PCDH15: variants seen among roughly 807,000 people sequenced by gnomAD.
PCDH15 encodes protocadherin related 15.
Under a neutral mutation model 178.5 loss-of-function variants are expected in PCDH15, and 129 were observed. That is an observed-to-expected ratio of 0.72 (90% confidence interval 0.63 to 0.84). The LOEUF (loss-of-function observed/expected upper bound fraction) is 0.84, where lower values mean the gene tolerates loss of function less well. Among genes scored for constraint, PCDH15 ranks in the 40% least tolerant of loss-of-function variants. The pLI is 0.00. For missense variants in PCDH15, 2,230 were observed against 2,099.9 expected (o/e 1.06, Z -1.21); for synonymous variants, 800 against 732.0 (o/e 1.09, Z -1.50).
intron 3 of PCDH15, among the ~76,000 whole-genome samples, chr10:54,881,302 T>C (rs747513761): frequency 5.9e-5 from 9 of 152,092 alleles, no homozygotes; most frequent in Admixed American, 3.9e-4. Context: ...AGAATGAATG[T>C]AAGGAAATGC....
intron 2 of PCDH15, among the ~76,000 whole-genome samples, chr10:54,938,497 T>C (rs1837964614): frequency 6.6e-6 from 1 of 152,054 alleles, no homozygotes; most frequent in South Asian, 2.1e-4. Context: ...TTGGGGAGAA[T>C]TGGTATTAAT....
intron 29 of PCDH15, among the ~76,000 whole-genome samples, chr10:53,832,151 G>GA (rs529229320): frequency 6.7e-4 from 101 of 151,806 alleles, no homozygotes; most frequent in South Asian, 1.9e-3. Flanking sequence ...TTCTGCCTAG[G>GA]AAAAAAAGAC....
At chr10:54,307,413 G>A (rs1247258322) in intron 8 of PCDH15, among the ~76,000 whole-genome samples, 1 of 151,390 alleles carries the variant, frequency 6.6e-6, no homozygotes, top group African/African-American at 2.4e-5. Context: ...TTTACCTAGA[G>A]GGGAAACTCT....
At chr10:53,838,011 C>A (rs1442800546) in intron 29 of PCDH15, among the ~76,000 whole-genome samples, 1 of 150,720 alleles carries the variant, frequency 6.6e-6, no homozygotes, top group East Asian at 2.0e-4. Context: ...GAGTCTTGCT[C>A]TCTTGCCCAG....
intron 2 of PCDH15, among the ~76,000 whole-genome samples, chr10:55,424,907 A>G (rs1056754873): frequency 6.6e-6 from 1 of 152,030 alleles, no homozygotes; most frequent in Admixed American, 6.6e-5. Context: ...AAAGTGTGAT[A>G]TTAAAAAATA....
At chr10:54,391,669 G>A (rs983910301) in intron 3 of PCDH15, among the ~76,000 whole-genome samples, 4 of 151,810 alleles carry the variant, frequency 2.6e-5, no homozygotes, top group African/African-American at 9.7e-5. Context: ...CCAGCTTGGA[G>A]AGAACCTATG....
At chr10:53,812,365 G>T in intron 35 of PCDH15, among the ~76,000 whole-genome samples, 1 of 145,278 alleles carries the variant, frequency 6.9e-6, no homozygotes, top group East Asian at 2.7e-4. Context: ...CCGCCACCAC[G>T]CCCGTCTAAA....
chr10:54,380,075 A>T (rs746023969), intron 3 of PCDH15, among the ~76,000 whole-genome samples: 3 of 152,072 alleles, frequency 2.0e-5, no homozygotes, highest in Non-Finnish European at 4.4e-5. Flanking sequence ...TTTTCTCAGT[A>T]ATTTAATAAT....
intron 8 of PCDH15, among the ~76,000 whole-genome samples, chr10:54,252,504 C>A (rs1470657252): frequency 6.6e-6 from 1 of 152,164 alleles, no homozygotes; most frequent in Admixed American, 6.5e-5. Flanking sequence ...AATATGCTTT[C>A]CTCTGCATTA....
At chr10:54,507,201 T>G (rs1393902435) in intron 3 of PCDH15, among the ~76,000 whole-genome samples, 1 of 151,906 alleles carries the variant, frequency 6.6e-6, no homozygotes, top group Non-Finnish European at 1.5e-5. Context: ...GATCTCACAT[T>G]GTTTGGAAAT....
chr10:54,970,367 G>A (rs1591812431), intron 2 of PCDH15, among the ~76,000 whole-genome samples: 1 of 152,256 alleles, frequency 6.6e-6, no homozygotes, highest in South Asian at 2.1e-4. Flanking sequence ...TTTGGAACTG[G>A]GTGATAGCTA....
rs1452730552 is a variant in PCDH15, at chr10:53,823,362, G to GAAAGA, written c.4368-3137_4368-3133dup. 16 of 1,610,328 alleles carry GAAAGA rather than the reference G, an allele frequency of 9.9e-6. No homozygotes were observed. The highest frequency in any genetic ancestry group is 1.4e-5 in the Non-Finnish European group (16 of 1,176,700). On this transcript the variant is annotated intron_variant, in intron 32 of 37. Transcript: ENST00000644397. Reference sequence around the variant, plus strand: ...AAAATGGTAGAGAAGGAAAAGACTTGAAAGAAAAGAAGATAATGAAATGTA... The same window carrying GAAAGA: ...AAAATGGTAGAGAAGGAAAAGACTTGAAAGAAAAGAAAAGAAGATAATGAAATGTA...
rs570868353 is a variant in PCDH15 at position 54,195,579 on chromosome 10, T to C, written c.1305+104A>G. On this transcript the variant is annotated intron_variant, in intron 11 of 37. Transcript: ENST00000644397. ...CTAAAACTCACTTACAGTGACTTAA[T>C]TCTCTCTTCTCTAGCTTATGTAGCC... The C allele has an allele frequency of 3.0e-6, 3 of 985,900 alleles. No individual in the cohort carries two copies. In the South Asian group the frequency reaches 4.2e-5, roughly 14 times the overall value. The allele number at this position is 985,900 out of a possible 1,614,324, so 61.1% of individuals were successfully genotyped here.
chr10:54,566,950 C>A (rs1221974418), intron 2 of PCDH15, among the ~76,000 whole-genome samples: 2 of 152,118 alleles, frequency 1.3e-5, no homozygotes, highest in Non-Finnish European at 2.9e-5. Context: ...CAGTCCCCAG[C>A]AATGGATGGG....
At chr10:54,686,185 A>T (rs555347241) in intron 1 of PCDH15, among the ~76,000 whole-genome samples, 17 of 151,800 alleles carry the variant, frequency 1.1e-4, no homozygotes, top group Non-Finnish European at 2.2e-4. Context: ...CAAGATAGCC[A>T]ATTTTAATTA....
intron 3 of PCDH15, among the ~76,000 whole-genome samples, chr10:54,809,308 C>A (rs1318685995): frequency 6.6e-6 from 1 of 152,068 alleles, no homozygotes; most frequent in African/African-American, 2.4e-5. Flanking sequence ...ATATAAAACT[C>A]AATCTATTAG....
chr10:55,186,449 T>C (rs1839801887), intron 1 of PCDH15, among the ~76,000 whole-genome samples: 1 of 151,298 alleles, frequency 6.6e-6, no homozygotes, highest in African/African-American at 2.4e-5. Context: ...TATACAATAA[T>C]TTTAATAGTT....
Position 54,664,294 on chromosome 10 carries a change from A to G in PCDH15, c.-28-4T>C, listed in dbSNP as rs1158915160. The G allele has an allele frequency of 5.9e-6, 9 of 1,537,748 alleles. No individual in the cohort carries two copies. The highest frequency in any genetic ancestry group is 7.2e-6 in the Non-Finnish European group (8 of 1,114,828). On this transcript the variant is annotated splice_polypyrimidine_tract_variant and splice_region_variant and intron_variant, in intron 1 of 37. Coordinates refer to ENST00000644397, the MANE Select transcript of PCDH15 (RefSeq NM_001384140.1). ...TCAAAGTTCACTCAAAGCTGATCTG[A>G]AATAAGAAAAGGTAGAAAGAAACAT... is the stretch of plus-strand genomic sequence containing the variant.
chr10:55,402,567 T>C (rs560910954), intron 2 of PCDH15, among the ~76,000 whole-genome samples: 4 of 152,150 alleles, frequency 2.6e-5, no homozygotes, highest in African/African-American at 9.6e-5. Context: ...AGTGAGAATA[T>C]ACAATTTTTG....
Sources: allele counts gnomAD v4.1 joint callset (sites outside exome capture counted in the v4.1 genomes callset), GRCh38; gene constraint gnomAD v4.1.1; transcripts MANE v1.5; gene names NCBI Gene and HGNC (gene_info 2026-07-23, HGNC 2026-07-21).